Variants in ERBB4 observed in about 807,000 individuals in gnomAD.
ERBB4 encodes the protein erb-b2 receptor tyrosine kinase 4.
Under a neutral mutation model 158.0 loss-of-function variants are expected in ERBB4, and 42 were observed. The ratio of observed to expected loss-of-function variants is 0.27; its 90% CI spans 0.21 to 0.34. The LOEUF is 0.34. Ranked by LOEUF, ERBB4 falls within the 10% of genes least tolerant of loss-of-function variation. The probability of loss-of-function intolerance (pLI) is 1.00; values close to 1 mark genes in which losing one functional copy is unlikely to be tolerated. For missense variants in ERBB4, 1,333 were observed against 1,624.1 expected, an observed-to-expected ratio of 0.82 and a Z score of 3.08; for synonymous variants, 583 against 558.7, an observed-to-expected ratio of 1.04 and a Z score of -0.61.
chr2:212,182,257 T>A (rs975631847), intron 1 of ERBB4, among the ~76,000 whole-genome samples: 1 of 151,760 alleles, frequency 6.6e-6, no homozygotes, highest in African/African-American at 2.4e-5. Flanking sequence ...AGAAGCTAAA[T>A]AACTTGTCCC....
intron 1 of ERBB4, among the ~76,000 whole-genome samples, chr2:212,357,797 G>A (rs2089520933): frequency 1.3e-5 from 2 of 151,864 alleles, no homozygotes; most frequent in African/African-American, 4.8e-5. Context: ...ACATTACACT[G>A]CAAGAATATA....
chr2:211,405,045 C>T (rs181656696), intron 25 of ERBB4, among the ~76,000 whole-genome samples: 98 of 152,220 alleles, frequency 6.4e-4, no homozygotes, highest in African/African-American at 2.3e-3. Flanking sequence ...GTTTGAAGTG[C>T]TTTACCTATA....
At chr2:212,417,622 G>A (rs530090386) in intron 1 of ERBB4, among the ~76,000 whole-genome samples, 11 of 152,104 alleles carry the variant, frequency 7.2e-5, no homozygotes, top group African/African-American at 2.6e-4. Context: ...TCAGTCTGAA[G>A]CATAACAATT....
At chr2:211,651,986 T>A (rs1238778617) in intron 16 of ERBB4, among the ~76,000 whole-genome samples, 1 of 152,190 alleles carries the variant, frequency 6.6e-6, no homozygotes, top group Non-Finnish European at 1.5e-5. Flanking sequence ...TCTATTTTAT[T>A]ATACTGTAAG....
chr2:211,912,331 T>TG lies in ERBB4; in HGVS notation c.421+35098dup, dbSNP rs199856510. 2.3e-3 allele frequency among the ~76,000 whole-genome samples: 347 copies of TG among 152,160 alleles called. 1 individual carries two copies. Among genetic ancestry groups the TG allele is most frequent in the African/African-American group, 7.7e-3 (319 of 41,542 alleles). Reference sequence around the variant, plus strand: ...ACAATTCAGCTTCATGGCTTTAATTTGGGGGGTCCTGAGATTTTTTTTTTA... The same window carrying TG: ...ACAATTCAGCTTCATGGCTTTAATTTGGGGGGGTCCTGAGATTTTTTTTTTA... On this transcript the variant is annotated intron_variant, in intron 3 of 27. Transcript: ENST00000342788.
chr2:212,416,258 T>C (rs923041229), intron 1 of ERBB4, among the ~76,000 whole-genome samples: 1 of 152,150 alleles, frequency 6.6e-6, no homozygotes, highest in Admixed American at 6.5e-5. Context: ...GTTGAAAACA[T>C]GGCAGCAAGG....
At chr2:212,126,571 G>GCACCAC (rs2079936750) in intron 1 of ERBB4, among the ~76,000 whole-genome samples, 1 of 150,728 alleles carries the variant, frequency 6.6e-6, no homozygotes, top group Non-Finnish European at 1.5e-5. Context: ...ACCACTTAAT[G>GCACCAC]TACTGACTCT....
chr2:212,020,119 T>C (rs1268807875), intron 2 of ERBB4, among the ~76,000 whole-genome samples: 1 of 152,114 alleles, frequency 6.6e-6, no homozygotes, highest in Non-Finnish European at 1.5e-5. Context: ...TGCATATGTA[T>C]GTCTACAGAG....
intron 19 of ERBB4, among the ~76,000 whole-genome samples, chr2:211,598,320 C>T (rs1392820792): frequency 6.6e-6 from 1 of 151,900 alleles, no homozygotes; most frequent in Admixed American, 6.6e-5. Context: ...AAAATGAACC[C>T]TGAAAACAGG....
At chr2:211,670,513 T>A (rs964702756) in intron 14 of ERBB4, among the ~76,000 whole-genome samples, 1 of 152,164 alleles carries the variant, frequency 6.6e-6, no homozygotes, top group Non-Finnish European at 1.5e-5. Flanking sequence ...GAGAAATTAA[T>A]GAATGAGTTA....
chr2:212,415,076 T>C (rs1423523191), intron 1 of ERBB4, among the ~76,000 whole-genome samples: 2 of 152,152 alleles, frequency 1.3e-5, no homozygotes, highest in Admixed American at 6.5e-5. Flanking sequence ...TTCAGAAACA[T>C]GTTTGATGAG....
chr2:212,390,738 G>A (rs1462582191), intron 1 of ERBB4, among the ~76,000 whole-genome samples: 1 of 151,554 alleles, frequency 6.6e-6, no homozygotes, highest in East Asian at 1.9e-4. Flanking sequence ...TTTCTTTATT[G>A]GTGCCGGATA....
At chr2:212,149,493 C>G (rs923364917) in intron 1 of ERBB4, among the ~76,000 whole-genome samples, 3 of 151,944 alleles carry the variant, frequency 2.0e-5, no homozygotes, top group Non-Finnish European at 4.4e-5. Flanking sequence ...AACAAGTCTA[C>G]AATATTACCA....
At chr2:211,861,155 T>TATATATATA (rs1491478255) in intron 3 of ERBB4, among the ~76,000 whole-genome samples, 7 of 49,350 alleles carry the variant, frequency 1.4e-4, no homozygotes, top group African/African-American at 5.7e-4. Context: ...TATATATATA[T>TATATATATA]TAAAAAAAAG....
At chr2:211,861,720 T>C (rs79357343) in intron 3 of ERBB4, among the ~76,000 whole-genome samples, 2 of 152,222 alleles carry the variant, frequency 1.3e-5, no homozygotes, top group African/African-American at 2.4e-5. Context: ...AATGTATTAC[T>C]CTAGAATGGG....
At chr2:211,487,667 C>T (rs563378184) in intron 20 of ERBB4, among the ~76,000 whole-genome samples, 2 of 152,098 alleles carry the variant, frequency 1.3e-5, no homozygotes, top group African/African-American at 4.8e-5. Context: ...TTTATCCCCA[C>T]TGGTAAAGTG....
intron 1 of ERBB4, among the ~76,000 whole-genome samples, chr2:212,445,272 T>C (rs148716763): frequency 0.012 from 1,801 of 152,138 alleles, 34 homozygotes; most frequent in African/African-American, 0.041. Context: ...GTTTCTCCCA[T>C]AGCCAGGATT....
At chr2:211,903,601 A>G (rs953909745) in intron 3 of ERBB4, among the ~76,000 whole-genome samples, 2 of 152,078 alleles carry the variant, frequency 1.3e-5, no homozygotes, top group Non-Finnish European at 2.9e-5. Flanking sequence ...CATGGTTTCT[A>G]TTGAAATGGG....
At chr2:212,276,179 T>C (rs866542055) in intron 1 of ERBB4, among the ~76,000 whole-genome samples, 2 of 151,920 alleles carry the variant, frequency 1.3e-5, no homozygotes, top group Non-Finnish European at 2.9e-5. Flanking sequence ...ACTGCTTCTT[T>C]TTCATTTTTT....
Sources: allele counts gnomAD v4.1 joint callset (sites outside exome capture counted in the v4.1 genomes callset), GRCh38; gene constraint gnomAD v4.1.1; transcripts MANE v1.5; gene names NCBI Gene and HGNC (gene_info 2026-07-23, HGNC 2026-07-21).